Variants in FOXO1 observed in about 807,000 individuals in gnomAD.
The protein encoded by FOXO1 is forkhead box protein O1.
A neutral mutation model predicts 44.1 loss-of-function variants in FOXO1; 6 were observed. The observed-to-expected ratio is 0.14, with a 90% confidence interval of 0.07 to 0.27. The LOEUF is 0.27. FOXO1 is among the 10% of genes least tolerant of loss of function. The probability of loss-of-function intolerance (pLI) is 1.00; values close to 1 mark genes in which losing one functional copy is unlikely to be tolerated. For missense variants in FOXO1, 737 were observed against 888.8 expected (o/e 0.83, Z 2.17); for synonymous variants, 380 against 362.7 (o/e 1.05, Z -0.54).
intron 1 of FOXO1, among the ~76,000 whole-genome samples, chr13:40,661,746 T>C (rs1045115374): frequency 2.6e-5 from 4 of 152,216 alleles, no homozygotes; most frequent in Non-Finnish European, 5.9e-5. Context: ...GGGATCTCTG[T>C]GGCTGGTTCA....
At chr13:40,664,914 GGCCGCC>G (rs1878172661) in intron 1 of FOXO1, among the ~76,000 whole-genome samples, 1 of 151,810 alleles carries the variant, frequency 6.6e-6, no homozygotes, top group African/African-American at 2.4e-5. Context: ...CGCAGGCGGT[GGCCGCC>G]CCTTCGCACG....
intron 1 of FOXO1, among the ~76,000 whole-genome samples, chr13:40,616,423 A>G (rs1454515239): frequency 6.6e-6 from 1 of 152,222 alleles, no homozygotes; most frequent in East Asian, 1.9e-4. Context: ...GAACTAAAAC[A>G]GGTACTCTGA....
intron 1 of FOXO1, among the ~76,000 whole-genome samples, chr13:40,599,644 C>A (rs527854719): frequency 6.6e-6 from 1 of 151,916 alleles, no homozygotes; most frequent in African/African-American, 2.4e-5. Flanking sequence ...AGGGTGGGTA[C>A]GGAAAAGGGA....
chr13:40,577,621 A>G (rs1039480473), intron 1 of FOXO1, among the ~76,000 whole-genome samples: 15 of 152,178 alleles, frequency 9.9e-5, no homozygotes, highest in Non-Finnish European at 1.5e-5. Flanking sequence ...ATTTCATAGC[A>G]CTTCTTCCAG....
At chr13:40,580,601 G>C (rs1251207523) in intron 1 of FOXO1, among the ~76,000 whole-genome samples, 3 of 152,122 alleles carry the variant, frequency 2.0e-5, no homozygotes, top group Non-Finnish European at 4.4e-5. Flanking sequence ...ATAAATATTA[G>C]ATATTATGGG....
chr13:40,620,799 C>CTTTTTTTTTTTTTT (rs111991105), intron 1 of FOXO1, among the ~76,000 whole-genome samples: 2 of 121,232 alleles, frequency 1.6e-5, no homozygotes, highest in African/African-American at 3.3e-5. Flanking sequence ...CTTCCCCTTG[C>CTTTTTTTTTTTTTT]TTTTTTTTTT....
intron 1 of FOXO1, among the ~76,000 whole-genome samples, chr13:40,589,789 T>A (rs909797789): frequency 3.3e-5 from 5 of 152,186 alleles, no homozygotes; most frequent in Admixed American, 2.6e-4. Flanking sequence ...AGTCCCATTG[T>A]TTCAGTGCAG....
intron 1 of FOXO1, among the ~76,000 whole-genome samples, chr13:40,570,730 A>G (rs1874457531): frequency 6.6e-6 from 1 of 152,252 alleles, no homozygotes; most frequent in Non-Finnish European, 1.5e-5. Context: ...CCTGTATTAA[A>G]GGAATCTACA....
At chr13:40,598,690 C>A (rs1477345041) in intron 1 of FOXO1, among the ~76,000 whole-genome samples, 1 of 152,192 alleles carries the variant, frequency 6.6e-6, no homozygotes, top group Non-Finnish European at 1.5e-5. Context: ...CCTGAATACA[C>A]CCCCAGCTCT....
intron 1 of FOXO1, among the ~76,000 whole-genome samples, chr13:40,563,196 T>G (rs1415910762): frequency 1.3e-5 from 2 of 152,186 alleles, no homozygotes. Context: ...GCCATTGACA[T>G]GGGACGCCCG....
At position 40,665,828 on chromosome 13, in the gene FOXO1, C is replaced by G. The variant is rs1318299251; in HGVS notation, c.385G>C (p.Gly129Arg). Residue 129 changes from glycine to arginine, a missense_variant, in exon 1 of 3, where the codon GGG (glycine) becomes CGG (arginine). By Grantham distance (125) the Gly-to-Arg change is moderately radical. Transcript: ENST00000379561. ...ACCGGCGGGTGCTGCGACAGCGGCCCGGGCGGCGGGGGCTGCGGTGGCGCT... is the reference window on the plus strand; with the variant it reads ...ACCGGCGGGTGCTGCGACAGCGGCCGGGGCGGCGGGGGCTGCGGTGGCGCT... ...HPAPPQPPPP[G>R]PLSQHPPVPP... is the part of the protein sequence containing the mutation. 1 of 1,169,810 alleles carries G rather than the reference C, an allele frequency of 8.5e-7. No homozygotes were observed. Among genetic ancestry groups the G allele is most frequent in the Non-Finnish European group, 1.1e-6 (1 of 946,104 alleles). 72.5% of individuals were successfully genotyped at this position (1,169,810 alleles called of 1,614,324 possible).
intron 1 of FOXO1, among the ~76,000 whole-genome samples, chr13:40,654,568 G>GA (rs983534656): frequency 6.0e-5 from 9 of 150,772 alleles, no homozygotes; most frequent in East Asian, 1.9e-4. Context: ...CATCAACGCA[G>GA]AAAAAAAAGA....
At chr13:40,593,441 C>T (rs1285588840) in intron 1 of FOXO1, among the ~76,000 whole-genome samples, 2 of 152,170 alleles carry the variant, frequency 1.3e-5, no homozygotes, top group African/African-American at 4.8e-5. Context: ...GTTTCAAGCA[C>T]CAATTTACAA....
intron 1 of FOXO1, among the ~76,000 whole-genome samples, chr13:40,583,508 A>G (rs1246078794): frequency 6.6e-6 from 1 of 152,188 alleles, no homozygotes; most frequent in Non-Finnish European, 1.5e-5. Flanking sequence ...GGCCACCTTC[A>G]TCAATGGTCT....
chr13:40,638,919 C>T (rs1180695206), intron 1 of FOXO1, among the ~76,000 whole-genome samples: 1 of 152,194 alleles, frequency 6.6e-6, no homozygotes, highest in Non-Finnish European at 1.5e-5. Flanking sequence ...TAAGGCCAGG[C>T]ACGGTGGCTC....
chr13:40,595,558 A>G (rs979049814), intron 1 of FOXO1, among the ~76,000 whole-genome samples: 3 of 152,222 alleles, frequency 2.0e-5, no homozygotes, highest in African/African-American at 7.2e-5. Context: ...TAATGATCAA[A>G]TCAGGGTAAA....
intron 1 of FOXO1, among the ~76,000 whole-genome samples, chr13:40,564,854 C>T (rs1450908438): frequency 6.7e-6 from 1 of 149,784 alleles, no homozygotes; most frequent in Non-Finnish European, 1.5e-5. Context: ...CCTCTGCACA[C>T]ACCCCATCTG....
chr13:40,582,468 G>A (rs1026515964), intron 1 of FOXO1, among the ~76,000 whole-genome samples: 4 of 152,192 alleles, frequency 2.6e-5, no homozygotes, highest in Non-Finnish European at 5.9e-5. Context: ...TGTAGCATGT[G>A]ATGCTGTTTG....
intron 1 of FOXO1, among the ~76,000 whole-genome samples, chr13:40,579,623 G>A (rs1593386426): frequency 6.6e-6 from 1 of 152,126 alleles, no homozygotes; most frequent in Admixed American, 6.5e-5. Context: ...AAAAAAAAGG[G>A]GGCGGGGGCG....
Sources: gnomAD v4.1 joint callset for allele counts (sites outside exome capture counted in the v4.1 genomes callset) on GRCh38, gnomAD v4.1.1 for gene constraint, MANE v1.5 for transcripts, NCBI Gene and HGNC (gene_info 2026-07-23, HGNC 2026-07-21) for gene names.